XPO1: variants seen among roughly 807,000 people sequenced by gnomAD.
XPO1 encodes exportin-1.
A neutral mutation model predicts 133.3 loss-of-function variants in XPO1; 5 were observed. The observed-to-expected ratio is 0.04, with a 90% CI of 0.02 to 0.08. The LOEUF is 0.08. Among genes scored for constraint, XPO1 ranks in the 10% least tolerant of loss-of-function variants. The pLI, the probability that XPO1 is intolerant of heterozygous loss-of-function variation, is 1.00. For missense variants in XPO1, 506 were observed against 1,267.5 expected (o/e 0.40, Z 9.12); for synonymous variants, 419 against 408.2 (o/e 1.03, Z -0.32).
intron 4 of XPO1, among the ~76,000 whole-genome samples, chr2:61,518,715 A>T (rs950101688): frequency 3.9e-5 from 6 of 152,218 alleles, no homozygotes; most frequent in African/African-American, 1.2e-4. Flanking sequence ...AGGATGGGGA[A>T]TAAAGTGACT....
At chr2:61,487,396 G>C (rs990292628) in intron 19 of XPO1, among the ~76,000 whole-genome samples, 9 of 152,016 alleles carry the variant, frequency 5.9e-5, no homozygotes, top group African/African-American at 2.2e-4. Context: ...CGCATGTTCA[G>C]AACCTTTCGA....
intron 4 of XPO1, among the ~76,000 whole-genome samples, chr2:61,513,200 A>G (rs933050455): frequency 6.6e-6 from 1 of 152,008 alleles, no homozygotes; most frequent in South Asian, 2.1e-4. Context: ...TCGGGATTAC[A>G]GGTGCATGCC....
rs369911442 is a variant in XPO1 at position 61,497,471 on chromosome 2, A to T, written c.760-464T>A. ...CGTGATCCGCTCACCTCGACCTCCC[A>T]AAGTGCTGGGATTACAGGCGTGAGC... On this transcript the variant is annotated intron_variant, in intron 9 of 24. Transcript: ENST00000401558. Among the ~76,000 whole-genome samples, 6 of 152,188 alleles carry T rather than the reference A, an allele frequency of 3.9e-5. No homozygotes were observed. The East Asian group carries it at 9.6e-4, about 24-fold the overall frequency.
intron 4 of XPO1, among the ~76,000 whole-genome samples, chr2:61,513,349 A>G (rs1698188787): frequency 7.0e-6 from 1 of 143,762 alleles, no homozygotes; most frequent in Non-Finnish European, 1.5e-5. Context: ...TCTATAAGAA[A>G]ACGTACAGAA....
intron 2 of XPO1, among the ~76,000 whole-genome samples, chr2:61,529,520 G>C (rs1699061322): frequency 6.6e-6 from 1 of 152,104 alleles, no homozygotes; most frequent in African/African-American, 2.4e-5. Context: ...GCTGGGCATG[G>C]TGGGGCGTAC....
intron 2 of XPO1, among the ~76,000 whole-genome samples, chr2:61,528,304 T>A (rs1698995554): frequency 6.6e-6 from 1 of 152,094 alleles, no homozygotes; most frequent in African/African-American, 2.4e-5. Flanking sequence ...ATGAATAGGG[T>A]TGTACGGCTA....
chr2:61,517,491 C>A (rs1698452047), intron 4 of XPO1, among the ~76,000 whole-genome samples: 1 of 152,100 alleles, frequency 6.6e-6, no homozygotes, highest in Admixed American at 6.5e-5. Context: ...CAGGCTAAGG[C>A]GTGGTAACTG....
At chr2:61,528,950 G>C (rs1699036984) in intron 2 of XPO1, among the ~76,000 whole-genome samples, 1 of 151,866 alleles carries the variant, frequency 6.6e-6, no homozygotes, top group Admixed American at 6.6e-5. Context: ...ATTAAAAGTT[G>C]TAAGCAAAAA....
chr2:61,491,938 A>G (rs1054086828), intron 16 of XPO1, 97 bp downstream of exon 16: 2 of 1,361,624 alleles, frequency 1.5e-6, no homozygotes, highest in Non-Finnish European at 2.0e-6. Context: ...AAACACTTCT[A>G]TTGGATCCAA....
intron 11 of XPO1, among the ~76,000 whole-genome samples, 169 bp downstream of exon 11, chr2:61,495,286 A>G (rs1697192277): frequency 6.6e-6 from 1 of 152,162 alleles, no homozygotes; most frequent in Non-Finnish European, 1.5e-5. Flanking sequence ...ATAAAATCAG[A>G]AAACTGGGCT....
chr2:61,508,660 G>A (rs1192387423), intron 4 of XPO1, among the ~76,000 whole-genome samples: 2 of 152,230 alleles, frequency 1.3e-5, no homozygotes, highest in East Asian at 1.9e-4. Context: ...TAAAAAGCAC[G>A]CATTATTGAA....
chr2:61,483,216 T>C (rs1286641873), intron 21 of XPO1, 125 bp from the exon 22 acceptor site: 4 of 1,002,716 alleles, frequency 4.0e-6, no homozygotes, highest in South Asian at 1.8e-5. Flanking sequence ...TGATGACTAA[T>C]AATTACTTGC....
chr2:61,532,670 A>G (rs1032089342), intron 2 of XPO1, among the ~76,000 whole-genome samples: 2 of 149,656 alleles, frequency 1.3e-5, no homozygotes, highest in Non-Finnish European at 3.0e-5. Flanking sequence ...ACCCATCTCT[A>G]CTAAAATACA....
In XPO1 at chr2:61,495,685, A is replaced by T. The variant is rs1697209840; in HGVS notation, c.889-72T>A. ...TAAAGACACTTAATATTTTATTATT[A>T]TTTTTTTGAGACAAGGTATCACTCT... On this transcript the variant is annotated intron_variant, in intron 10 of 24. Transcript: ENST00000401558. 3.6e-6 allele frequency: 5 copies of T among 1,392,338 alleles called. No individual in the cohort carries two copies. The South Asian group carries it at 4.9e-5, about 14-fold the overall frequency. 86.2% of individuals were successfully genotyped at this position (1,392,338 alleles called of 1,614,324 possible). A position where few individuals can be genotyped will look rare whatever the true frequency, so the allele number is the denominator to read the frequency against.
chr2:61,501,175 A>C (rs1697496088), intron 6 of XPO1, among the ~76,000 whole-genome samples: 1 of 152,168 alleles, frequency 6.6e-6, no homozygotes, highest in Non-Finnish European at 1.5e-5. Flanking sequence ...GAATACACTA[A>C]AATTTTTGGA....
chr2:61,493,775 A>G, intron 12 of XPO1, 119 bp downstream of exon 12: 1 of 1,073,510 alleles, frequency 9.3e-7, no homozygotes, highest in Non-Finnish European at 1.4e-6. Flanking sequence ...ACACTCATGG[A>G]GAAGTTGTTG....
At chr2:61,495,039 T>A (rs1697179354) in intron 11 of XPO1, among the ~76,000 whole-genome samples, 1 of 151,896 alleles carries the variant, frequency 6.6e-6, no homozygotes, top group African/African-American at 2.4e-5. Context: ...AGACAGAGAT[T>A]CACGATGTAG....
Position 61,505,990 on chromosome 2 carries a change from T to G in XPO1, c.302-3680A>C, listed in dbSNP as rs1573166121. 2.6e-5 allele frequency among the ~76,000 whole-genome samples: 4 copies of G among 152,340 alleles called. No individual in the cohort carries two copies. The South Asian group carries it at 8.3e-4, about 32-fold the overall frequency. ...CAGATTATTATCAATAAAACCCCCA[T>G]GGCCAGGTACAGTGGCCCTAGAAAC... On this transcript the variant is annotated intron_variant, in intron 4 of 24. Transcript: ENST00000401558.
In XPO1 at chr2:61,502,075, G is replaced by T. The variant is rs1439877244; in HGVS notation, c.364-35C>A. The T allele has an allele frequency of 3.2e-6, 5 of 1,572,320 alleles. No individual in the cohort carries two copies. In the African/African-American group the frequency reaches 6.8e-5, roughly 22 times the overall value. On this transcript the variant is annotated intron_variant, in intron 5 of 24. Transcript: ENST00000401558. ...AGTAAAAGATTAAATGAGAGCCTGA[G>T]GTAAGTATAAATAAGAATATAACCA...
Sources: allele counts gnomAD v4.1 joint callset (sites outside exome capture counted in the v4.1 genomes callset), GRCh38; gene constraint gnomAD v4.1.1; transcripts MANE v1.5; gene names NCBI Gene and HGNC (gene_info 2026-07-23, HGNC 2026-07-21).